MYMK: variants seen among roughly 807,000 people sequenced by gnomAD.
MYMK encodes the protein protein myomaker.
In MYMK, 16 loss-of-function variants were observed where a neutral mutation model predicts 22.4. That is an observed-to-expected ratio of 0.72 (90% CI 0.48 to 1.09). The LOEUF is 1.09. Ranked by LOEUF, MYMK falls within the 50% of genes least tolerant of loss-of-function variation. MYMK has a pLI of 0.00. For synonymous variants in MYMK, 125 were observed against 127.0 expected (o/e 0.98, Z 0.11); for missense variants, 250 against 295.6 (o/e 0.85, Z 1.13).
intron 3 of MYMK, among the ~76,000 whole-genome samples, chr9:133,516,357 C>T (rs761942323): frequency 7.9e-5 from 12 of 152,148 alleles, no homozygotes; most frequent in Non-Finnish European, 1.8e-4. Flanking sequence ...GGAACGACAG[C>T]CTTGTTGGGG....
chr9:133,520,117 G>T, intron 2 of MYMK, 57 bp downstream of exon 2: 1 of 1,406,258 alleles, frequency 7.1e-7, no homozygotes, highest in Non-Finnish European at 1.0e-6. Flanking sequence ...TGGGTGTGCG[G>T]ACACTGGGGA....
At chr9:133,518,468 C>T (rs1362201881) in intron 3 of MYMK, among the ~76,000 whole-genome samples, 2 of 152,218 alleles carry the variant, frequency 1.3e-5, no homozygotes, top group Admixed American at 6.5e-5. Context: ...GTAGTAAGAG[C>T]GGTGATGAGA....
At position 133,517,390 on chromosome 9, in the gene MYMK, G is replaced by A. The variant is rs73553551; in HGVS notation, c.399+1484C>T. Reference sequence around the variant, plus strand: ...TGCTCAAAAAGTCAAGTCCAGCCAGGCGTGGTGGCTCATGCCTGTAATTCC... The same window carrying A: ...TGCTCAAAAAGTCAAGTCCAGCCAGACGTGGTGGCTCATGCCTGTAATTCC... On this transcript the variant is annotated intron_variant, in intron 3 of 4. Transcript: ENST00000339996. Among the ~76,000 whole-genome samples the A allele has an allele frequency of 9.1e-3, 1,392 of 152,308 alleles. 31 individuals carry two copies. Among genetic ancestry groups the A allele is most frequent in the African/African-American group, 0.031 (1,297 of 41,564 alleles).
At position 133,514,712 on chromosome 9, in the gene MYMK, T is replaced by C. The variant is rs763401546; in HGVS notation, c.590A>G (p.Lys197Arg). ...CGGGGATCCAGCCTTCTTGTTGACC[T>C]TGGGCAGCAGCAGAACAAAGGACAT... ...LAMSFVLLLP[K>R]VNKKAGSPGT... Residue 197 changes from lysine to arginine, a missense_variant, in exon 5 of 5, where the codon AAG becomes AGG. Physicochemically the swap from Lys to Arg is conservative, Grantham distance 26. Coordinates refer to ENST00000339996, the MANE Select transcript of MYMK (RefSeq NM_001080483.3). 5.0e-6 allele frequency: 8 copies of C among 1,614,046 alleles called. No individual in the cohort carries two copies. Among genetic ancestry groups the C allele is most frequent in the East Asian group, 2.2e-5 (1 of 44,868 alleles).
chr9:133,516,394 C>T (rs1294943015), intron 3 of MYMK, among the ~76,000 whole-genome samples: 1 of 152,122 alleles, frequency 6.6e-6, no homozygotes, highest in Non-Finnish European at 1.5e-5. Context: ...TGGGTGATGG[C>T]GGCCTCGGAG....
chr9:133,514,923 C>G, intron 4 of MYMK, 138 bp from the exon 5 acceptor site: 1 of 948,752 alleles, frequency 1.1e-6, no homozygotes, highest in Non-Finnish European at 1.5e-6. Flanking sequence ...CCCCCACGGT[C>G]GCGCTCACAG....
Position 133,522,271 on chromosome 9 carries a change from G to T in MYMK, c.136-1983C>A, listed in dbSNP as rs533396839. Among the ~76,000 whole-genome samples, 3 of 152,280 alleles carry T rather than the reference G, an allele frequency of 2.0e-5. No individual in the cohort carries two copies. The East Asian group carries it at 5.8e-4, about 29-fold the overall frequency. The stretch of plus-strand genomic sequence containing the variant: ...TGGGGTGGGTGCGGCTGAGGGCCTG[G>T]GGGGTCAGAGCTCAGGCTCGGGGAG... On this transcript the variant is annotated intron_variant, in intron 1 of 4. Coordinates refer to ENST00000339996, the MANE Select transcript of MYMK (RefSeq NM_001080483.3).
At chr9:133,517,473 C>T (rs528934862) in intron 3 of MYMK, among the ~76,000 whole-genome samples, 6 of 152,260 alleles carry the variant, frequency 3.9e-5, no homozygotes, top group South Asian at 2.1e-4. Context: ...CAGGACCAGC[C>T]GGGCCAACGT....
At chr9:133,519,056 G>C (rs775124119) in intron 2 of MYMK, 34 bp from the exon 3 acceptor site, 1 of 1,612,420 alleles carries the variant, frequency 6.2e-7, no homozygotes, top group South Asian at 1.1e-5. Context: ...GGGGAGGTGA[G>C]TGGTCTCTCT....
intron 4 of MYMK, 132 bp from the exon 5 acceptor site, chr9:133,514,917 C>A (rs868486916): frequency 4.8e-5 from 48 of 992,044 alleles, no homozygotes; most frequent in Non-Finnish European, 6.3e-5. Flanking sequence ...AAGCCTCCCC[C>A]ACGGTCGCGC....
In MYMK at chr9:133,518,861, G is replaced by A. The variant is rs370239985; in HGVS notation, c.399+13C>T. On this transcript the variant is annotated intron_variant, in intron 3 of 4. Coordinates refer to ENST00000339996, the MANE Select transcript of MYMK (RefSeq NM_001080483.3). ...CCTGGGTCCCCGTTCATCGAGGCTCGCGCAGTACGCACCCACTTTGCCGCG... is the reference window on the plus strand; with the variant it reads ...CCTGGGTCCCCGTTCATCGAGGCTCACGCAGTACGCACCCACTTTGCCGCG... The A allele has an allele frequency of 2.9e-5, 46 of 1,606,444 alleles. No homozygotes were observed. The highest frequency in any genetic ancestry group is 1.3e-4 in the Admixed American group (8 of 59,672).
At chr9:133,520,413 T>A (rs1395480185) in intron 1 of MYMK, 125 bp from the exon 2 acceptor site, 14 of 708,802 alleles carry the variant, frequency 2.0e-5, no homozygotes, top group Non-Finnish European at 3.5e-5. Flanking sequence ...ACTTAATGAC[T>A]GTGTGCCTCA....
intron 3 of MYMK, among the ~76,000 whole-genome samples, chr9:133,518,335 T>A (rs1213913781): frequency 6.6e-6 from 1 of 152,190 alleles, no homozygotes; most frequent in East Asian, 1.9e-4. Flanking sequence ...CCAGGCTGCC[T>A]CACTGTCATA....
At chr9:133,523,304 T>C (rs1191454509) in intron 1 of MYMK, among the ~76,000 whole-genome samples, 1 of 152,258 alleles carries the variant, frequency 6.6e-6, no homozygotes, top group East Asian at 1.9e-4. Flanking sequence ...CTTGGCATTC[T>C]TGCCCATAGA....
At chr9:133,516,892 G>T (rs531154936) in intron 3 of MYMK, among the ~76,000 whole-genome samples, 1 of 152,222 alleles carries the variant, frequency 6.6e-6, no homozygotes, top group Non-Finnish European at 1.5e-5. Flanking sequence ...AGGGGACGAG[G>T]CTCAGGGAGA....
At position 133,515,632 on chromosome 9, in the gene MYMK, A is replaced by G; in HGVS notation, c.400-25T>C. The G allele has an allele frequency of 1.3e-6, 2 of 1,531,456 alleles. No individual in the cohort carries two copies. Among genetic ancestry groups the G allele is most frequent in the Non-Finnish European group, 1.8e-6 (2 of 1,105,068 alleles). 94.9% of individuals were successfully genotyped at this position (1,531,456 alleles called of 1,614,324 possible). ...GCTGTGAGGACAGGAGGCCACAGCAAAGCTTTTAGGTCACAGCACTGGGGA... is the reference window on the plus strand; with the variant it reads ...GCTGTGAGGACAGGAGGCCACAGCAGAGCTTTTAGGTCACAGCACTGGGGA... On this transcript the variant is annotated intron_variant, in intron 3 of 4. Coordinates refer to ENST00000339996, the MANE Select transcript of MYMK (RefSeq NM_001080483.3). This position sits in a 1 kb window ranked among gnomAD's most constrained non-coding sequence, Gnocchi z 5.8.
chr9:133,523,707 G>GAGAGAGAC (rs1225032033), intron 1 of MYMK, among the ~76,000 whole-genome samples: 1 of 95,184 alleles, frequency 1.1e-5, no homozygotes, highest in Non-Finnish European at 2.6e-5. Context: ...GAGAGAGAGA[G>GAGAGAGAC]AGAGAGAGAG....
intron 3 of MYMK, among the ~76,000 whole-genome samples, chr9:133,518,113 C>G (rs879463926): frequency 6.6e-6 from 1 of 152,234 alleles, no homozygotes; most frequent in Non-Finnish European, 1.5e-5. Flanking sequence ...CTGGGAGACC[C>G]TTGCAAGGGT....
Position 133,514,813 on chromosome 9 carries a change from G to T in MYMK, c.517-28C>A, listed in dbSNP as rs375514930. On this transcript the variant is annotated intron_variant, in intron 4 of 4. Coordinates refer to ENST00000339996, the MANE Select transcript of MYMK (RefSeq NM_001080483.3). ...GCGGGGGGCAAGCGGTCAGTCTGGG[G>T]CCTCAGCCCCCTCCCCGAGGCTCCT... 77 of 1,603,352 alleles carry T rather than the reference G, an allele frequency of 4.8e-5. No homozygotes were observed. In the African/African-American group the frequency reaches 9.2e-4, roughly 19 times the overall value.
Sources: gnomAD v4.1 joint callset for allele counts (sites outside exome capture counted in the v4.1 genomes callset) on GRCh38, gnomAD v4.1.1 for gene constraint, Gnocchi (gnomAD v3.1) non-coding constraint, MANE v1.5 for transcripts, NCBI Gene and HGNC (gene_info 2026-07-23, HGNC 2026-07-21) for gene names.